The following DIAPH2 variants were observed in gnomAD, a reference collection of about 807,000 sequenced individuals.
The protein encoded by DIAPH2 is diaphanous related formin 2, also known as protein diaphanous homolog 2.
A neutral mutation model predicts 92.7 loss-of-function variants in DIAPH2; 35 were observed. That is an observed-to-expected ratio of 0.38 (90% CI 0.29 to 0.50). The LOEUF (loss-of-function observed/expected upper bound fraction) is 0.50. Ranked by LOEUF, DIAPH2 falls within the 20% of genes least tolerant of loss-of-function variation. DIAPH2 has a pLI of 0.94. For missense variants in DIAPH2, 701 were observed against 819.5 expected (o/e 0.86, Z 1.77); for synonymous variants, 301 against 280.4 (o/e 1.07, Z -0.73).
chrX:96,744,094 A>T (rs898689846), intron 3 of DIAPH2, among the ~76,000 whole-genome samples: 2 of 112,485 alleles, frequency 1.8e-5, no homozygotes, highest in East Asian at 2.8e-4. Flanking sequence ...AACTTTAAAG[A>T]TTATCTCTCT....
intron 26 of DIAPH2, among the ~76,000 whole-genome samples, chrX:97,584,429 T>G (rs961927969): frequency 1.1e-4 from 12 of 112,418 alleles, no homozygotes; most frequent in African/African-American, 3.6e-4. Context: ...TTTAAGAATT[T>G]TAATAAAACA....
At chrX:96,732,704 T>C (rs1216604925) in intron 1 of DIAPH2, among the ~76,000 whole-genome samples, 2 of 112,161 alleles carry the variant, frequency 1.8e-5, no homozygotes, top group African/African-American at 3.2e-5. Flanking sequence ...AGAAAATTCT[T>C]TAAGAATAAA....
chrX:96,789,057 A>G (rs1344422601), intron 4 of DIAPH2, among the ~76,000 whole-genome samples: 5 of 112,473 alleles, frequency 4.4e-5, no homozygotes, highest in Non-Finnish European at 3.7e-5. Flanking sequence ...CTAATGGCGA[A>G]GATTTATTAC....
chrX:97,296,746 C>T (rs1213422593), intron 23 of DIAPH2, among the ~76,000 whole-genome samples: 1 of 110,782 alleles, frequency 9.0e-6, no homozygotes, highest in Admixed American at 9.7e-5. Flanking sequence ...GTAGCCTGGC[C>T]AGCTATAGTT....
chrX:97,208,808 T>C (rs757454388), intron 22 of DIAPH2, among the ~76,000 whole-genome samples: 16 of 111,156 alleles, frequency 1.4e-4, no homozygotes, highest in Non-Finnish European at 2.8e-4. Flanking sequence ...TAAACAACAT[T>C]AAGGCAACAA....
rs577479734 is a variant in DIAPH2, at chrX:97,604,760, C to T, written c.*5443C>T. 1 of 111,751 alleles carries T rather than the reference C, an allele frequency of 8.9e-6. No individual in the cohort carries two copies. The highest frequency in any genetic ancestry group is 3.3e-5 in the African/African-American group (1 of 30,594). 9.2% of individuals were successfully genotyped at this position (111,751 alleles called of 1,213,427 possible). On this transcript the variant is annotated 3_prime_UTR_variant, in exon 27 of 27. Coordinates refer to ENST00000324765, the MANE Select transcript of DIAPH2 (RefSeq NM_006729.5). ...TTCTTTACAAGCTTATTTTACATACCGTGAATCCCTCACCTAAAGGGAGAG... is the reference window on the plus strand; with the variant it reads ...TTCTTTACAAGCTTATTTTACATACTGTGAATCCCTCACCTAAAGGGAGAG...
intron 5 of DIAPH2, among the ~76,000 whole-genome samples, chrX:96,890,477 A>G (rs770831886): frequency 1.8e-5 from 2 of 111,579 alleles, no homozygotes; most frequent in African/African-American, 6.5e-5. Flanking sequence ...TTAAATACGG[A>G]TGAAAGCAGT....
rs903808352 is a variant in DIAPH2, at chrX:96,944,594, G to A, written c.1445-933G>A. Among the ~76,000 whole-genome samples the A allele has an allele frequency of 9.0e-5, 10 of 111,301 alleles. No homozygotes were observed. In the East Asian group the frequency reaches 1.7e-3, roughly 19 times the overall value. On this transcript the variant is annotated intron_variant, in intron 13 of 26. Coordinates refer to ENST00000324765, the MANE Select transcript of DIAPH2 (RefSeq NM_006729.5). ...CATTTTATAGTCTCTCTCATTAGTT[G>A]CATTTTTTAAAATTTTATAAAAATA...
At chrX:97,317,833 A>T (rs779185242) in intron 23 of DIAPH2, among the ~76,000 whole-genome samples, 2 of 111,746 alleles carry the variant, frequency 1.8e-5, no homozygotes, top group African/African-American at 6.5e-5. Context: ...GAGATTTTTT[A>T]AATTATTTTT....
rs775414434 is a variant in DIAPH2, at chrX:97,042,156, C to T, written c.2051-30785C>T. ...ACATGCAAACCAGTTCCATTAATCA[C>T]TGCTTAGAATTTGTTGTGATGATTA... On this transcript the variant is annotated intron_variant, in intron 17 of 26. Coordinates refer to ENST00000324765, the MANE Select transcript of DIAPH2 (RefSeq NM_006729.5). 1.1e-4 allele frequency among the ~76,000 whole-genome samples: 12 copies of T among 111,481 alleles called. No homozygotes were observed. In the South Asian group the frequency reaches 4.4e-3, roughly 41 times the overall value.
intron 4 of DIAPH2, among the ~76,000 whole-genome samples, chrX:96,797,106 CT>C (rs971345192): frequency 4.3e-4 from 47 of 109,196 alleles, no homozygotes; most frequent in African/African-American, 1.4e-3. Context: ...ACAGATTTCT[CT>C]TTTTTTTTGG....
At chrX:97,290,345 T>C (rs2068579877) in intron 23 of DIAPH2, among the ~76,000 whole-genome samples, 2 of 111,205 alleles carry the variant, frequency 1.8e-5, no homozygotes, top group Middle Eastern at 4.6e-3. Context: ...TTAGCATAAT[T>C]GAGCCTTAGA....
At chrX:97,452,814 G>A (rs1317336581) in intron 26 of DIAPH2, among the ~76,000 whole-genome samples, 1 of 112,308 alleles carries the variant, frequency 8.9e-6, no homozygotes, top group Non-Finnish European at 1.9e-5. Flanking sequence ...CACATAATAT[G>A]TCGTCAGTAA....
In DIAPH2 at chrX:97,391,541, A is replaced by G. The variant is rs188180940; in HGVS notation, c.3145+7497A>G. ...TTGGAACCATAGGATCTTACCTGTA[A>G]CAAAAGTAGAGAGTTCCCTGGATAA... is the stretch of plus-strand genomic sequence containing the variant. On this transcript the variant is annotated intron_variant, in intron 25 of 26. Coordinates refer to ENST00000324765, the MANE Select transcript of DIAPH2 (RefSeq NM_006729.5). 4.0e-3 allele frequency among the ~76,000 whole-genome samples: 447 copies of G among 111,754 alleles called. 8 individuals are homozygous for G. Among genetic ancestry groups the G allele is most frequent in the African/African-American group, 0.014 (430 of 30,821 alleles).
chrX:97,171,402 T>G (rs5967084), intron 22 of DIAPH2, among the ~76,000 whole-genome samples: 36,027 of 110,846 alleles, frequency 0.33, 4,794 homozygotes, highest in East Asian at 0.63. Context: ...CCCACTGGGA[T>G]ATGTCCAGAA....
intron 12 of DIAPH2, among the ~76,000 whole-genome samples, chrX:96,940,950 G>T (rs1003101653): frequency 1.8e-5 from 2 of 110,796 alleles, no homozygotes; most frequent in Admixed American, 9.6e-5. Flanking sequence ...TTCCACTTAG[G>T]GATGATTAAC....
At chrX:96,991,537 G>GCCT (rs1555970333) in intron 17 of DIAPH2, among the ~76,000 whole-genome samples, 1 of 56,891 alleles carries the variant, frequency 1.8e-5, no homozygotes, top group African/African-American at 7.7e-5. Context: ...CTGTTTTATG[G>GCCT]TGTTTTTTTT....
chrX:96,835,336 T>C (rs2064879765), intron 4 of DIAPH2, among the ~76,000 whole-genome samples: 1 of 112,179 alleles, frequency 8.9e-6, no homozygotes, highest in Non-Finnish European at 1.9e-5. Flanking sequence ...ATGAACTAAT[T>C]TAATTCTCAC....
At position 97,207,134 on chromosome X, in the gene DIAPH2, C is replaced by A. The variant is rs779654122; in HGVS notation, c.2720-40581C>A. 1.3e-4 allele frequency among the ~76,000 whole-genome samples: 14 copies of A among 111,437 alleles called. No homozygotes were observed. In the South Asian group the frequency reaches 4.5e-3, roughly 36 times the overall value. ...CAATCCTTTGTCATGCTAACAGTAT[C>A]TTTATTGTTGTTTTTGGCTAAATTA... On this transcript the variant is annotated intron_variant, in intron 22 of 26. Transcript: ENST00000324765.
Sources: gnomAD v4.1 joint callset for allele counts (sites outside exome capture counted in the v4.1 genomes callset) on GRCh38, gnomAD v4.1.1 for gene constraint, MANE v1.5 for transcripts, NCBI Gene and HGNC (gene_info 2026-07-23, HGNC 2026-07-21) for gene names.